Variants in RGS7 observed in about 807,000 individuals in gnomAD.
RGS7 encodes regulator of G protein signaling 7.
In RGS7, 27 loss-of-function variants were observed where a neutral mutation model predicts 81.1. The ratio of observed to expected loss-of-function variants is 0.33; its 90% CI spans 0.25 to 0.46. RGS7 has a LOEUF of 0.46. Among genes scored for constraint, RGS7 ranks in the 20% least tolerant of loss-of-function variants. The probability of loss-of-function intolerance (pLI) is 1.00; values close to 1 mark genes in which losing one functional copy is unlikely to be tolerated. For missense variants in RGS7, 396 were observed against 607.4 expected (o/e 0.65, Z 3.66); for synonymous variants, 208 against 207.7 (o/e 1.00, Z -0.01).
At chr1:241,211,290 C>A (rs2074228226) in intron 2 of RGS7, among the ~76,000 whole-genome samples, 2 of 152,206 alleles carry the variant, frequency 1.3e-5, no homozygotes, top group Middle Eastern at 6.8e-3. Context: ...CTATCCCCTG[C>A]CCACCCAGAC....
chr1:241,292,382 G>C (rs1339071190), intron 2 of RGS7, among the ~76,000 whole-genome samples: 2 of 152,056 alleles, frequency 1.3e-5, no homozygotes, highest in African/African-American at 4.8e-5. Context: ...AATAAAAAGA[G>C]AGGACTCAAA....
At chr1:241,264,830 G>A (rs1006912980) in intron 2 of RGS7, among the ~76,000 whole-genome samples, 1 of 152,206 alleles carries the variant, frequency 6.6e-6, no homozygotes, top group Non-Finnish European at 1.5e-5. Flanking sequence ...GAGATAGAGG[G>A]AGGACCTGTG....
chr1:240,816,870 A>G lies in RGS7; in HGVS notation c.685-455T>C, dbSNP rs1690887933. ...GGGCACTGAGGAGAGTGACAAGTCA[A>G]GAATTCTATTGCTGATTTGATTTCT... On this transcript the variant is annotated intron_variant, in intron 10 of 18. Transcript: ENST00000440928. Among the ~76,000 whole-genome samples, 5 of 152,352 alleles carry G rather than the reference A, an allele frequency of 3.3e-5. No individual in the cohort carries two copies. The South Asian group carries it at 1.0e-3, about 32-fold the overall frequency.
In RGS7 at chr1:241,252,547, T is replaced by C. The variant is rs137881547; in HGVS notation, c.78+103152A>G. Among the ~76,000 whole-genome samples the C allele has an allele frequency of 9.5e-4, 145 of 152,278 alleles. 1 individual carries two copies. Among genetic ancestry groups the C allele is most frequent in the African/African-American group, 3.4e-3 (142 of 41,570 alleles). ...GGGCAACATGTCACACACAGCCCAG[T>C]GTATTCTCGGTTTCCCAAGTAACCT... On this transcript the variant is annotated intron_variant, in intron 2 of 18. Transcript: ENST00000440928.
chr1:241,295,178 G>C (rs925001115), intron 2 of RGS7, among the ~76,000 whole-genome samples: 3 of 152,138 alleles, frequency 2.0e-5, no homozygotes, highest in Admixed American at 2.0e-4. Context: ...GCCGGGTGCG[G>C]TGGCTCACGC....
At chr1:240,944,284 A>G (rs200904734) in intron 4 of RGS7, among the ~76,000 whole-genome samples, 2,199 of 9,408 alleles carry the variant, frequency 0.23, 61 homozygotes, top group East Asian at 0.34. Context: ...GTGTGTGTGT[A>G]TATATATATA....
At chr1:241,123,572 G>T (rs1210991166) in intron 2 of RGS7, among the ~76,000 whole-genome samples, 1 of 152,184 alleles carries the variant, frequency 6.6e-6, no homozygotes, top group Non-Finnish European at 1.5e-5. Context: ...CCAACATGGA[G>T]AAACCCCGTC....
intron 3 of RGS7, among the ~76,000 whole-genome samples, chr1:241,002,201 C>G (rs1174025536): frequency 6.6e-6 from 1 of 152,028 alleles, no homozygotes; most frequent in African/African-American, 2.4e-5. Context: ...AATCCCAGCA[C>G]TTTGGGAGGC....
intron 3 of RGS7, among the ~76,000 whole-genome samples, chr1:241,074,140 C>A (rs2062658257): frequency 1.3e-5 from 2 of 152,144 alleles, no homozygotes; most frequent in Admixed American, 1.3e-4. Context: ...TGAAGTGACC[C>A]ACCCATCTCA....
At chr1:241,218,811 ATT>A in intron 2 of RGS7, among the ~76,000 whole-genome samples, 1 of 149,316 alleles carries the variant, frequency 6.7e-6, no homozygotes, top group East Asian at 2.0e-4. Context: ...CACCTGGCTA[ATT>A]TTTTTTTTGT....
intron 14 of RGS7, among the ~76,000 whole-genome samples, chr1:240,806,598 A>C (rs1046866011): frequency 2.6e-5 from 4 of 151,212 alleles, no homozygotes; most frequent in Admixed American, 2.0e-4. Flanking sequence ...ATAAAGAAAC[A>C]TGAAAAACTC....
intron 2 of RGS7, among the ~76,000 whole-genome samples, chr1:241,193,864 C>A (rs2072874326): frequency 6.6e-6 from 1 of 152,144 alleles, no homozygotes; most frequent in Non-Finnish European, 1.5e-5. Context: ...TGATATAATT[C>A]ACTATTAATT....
chr1:241,170,468 AT>A (rs1411676028), intron 2 of RGS7, among the ~76,000 whole-genome samples: 4 of 152,366 alleles, frequency 2.6e-5, no homozygotes, highest in African/African-American at 9.6e-5. Context: ...AGAGATACAC[AT>A]TAGCCTTATA....
chr1:240,806,531 T>C (rs1558280790), intron 14 of RGS7, among the ~76,000 whole-genome samples: 3 of 148,068 alleles, frequency 2.0e-5, no homozygotes, highest in South Asian at 2.1e-4. Context: ...TTAATAAAAA[T>C]ATAAAAATAT....
intron 4 of RGS7, among the ~76,000 whole-genome samples, chr1:240,965,702 C>A (rs1411782225): frequency 1.3e-5 from 2 of 152,140 alleles, no homozygotes; most frequent in Non-Finnish European, 2.9e-5. Flanking sequence ...GGTGGGACAG[C>A]AGGGGTGTGA....
At chr1:241,197,251 C>CTT (rs1190138386) in intron 2 of RGS7, among the ~76,000 whole-genome samples, 3 of 40,394 alleles carry the variant, frequency 7.4e-5, no homozygotes, top group Non-Finnish European at 1.1e-4. Flanking sequence ...ATCAAAGTAT[C>CTT]TTTTTTTTTT....
chr1:240,902,202 A>G (rs1670122896), intron 6 of RGS7, among the ~76,000 whole-genome samples: 1 of 152,226 alleles, frequency 6.6e-6, no homozygotes, highest in Non-Finnish European at 1.5e-5. Context: ...CTTGTCAACT[A>G]TATAGAAAAA....
chr1:241,034,840 C>T (rs553687712), intron 3 of RGS7, among the ~76,000 whole-genome samples: 1 of 152,246 alleles, frequency 6.6e-6, no homozygotes, highest in African/African-American at 2.4e-5. Context: ...ACAACCAGCA[C>T]AAGGATGAAT....
At chr1:241,053,489 C>T (rs554536287) in intron 3 of RGS7, among the ~76,000 whole-genome samples, 13 of 152,282 alleles carry the variant, frequency 8.5e-5, no homozygotes, top group East Asian at 1.9e-4. Flanking sequence ...TCACTATCAA[C>T]GAAGAATATA....
Sources: gnomAD v4.1 joint callset for allele counts (sites outside exome capture counted in the v4.1 genomes callset) on GRCh38, gnomAD v4.1.1 for gene constraint, MANE v1.5 for transcripts, NCBI Gene and HGNC (gene_info 2026-07-23, HGNC 2026-07-21) for gene names.